The following PLXDC2 variants were observed in gnomAD, a reference collection of about 807,000 sequenced individuals.
The protein encoded by PLXDC2 is plexin domain-containing protein 2.
In PLXDC2, 40 loss-of-function variants were observed where a neutral mutation model predicts 68.9. The ratio of observed to expected loss-of-function variants is 0.58; its 90% CI spans 0.45 to 0.76. The LOEUF is 0.76. Among genes scored for constraint, PLXDC2 ranks in the 30% least tolerant of loss-of-function variants. PLXDC2 has a pLI of 0.00. For missense variants in PLXDC2, 644 were observed against 661.9 expected (o/e 0.97, Z 0.30); for synonymous variants, 243 against 234.2 (o/e 1.04, Z -0.34).
chr10:20,228,134 A>T (rs552109029), intron 12 of PLXDC2, among the ~76,000 whole-genome samples: 50 of 152,332 alleles, frequency 3.3e-4, no homozygotes, highest in African/African-American at 7.7e-4. Context: ...TGAAAATGTC[A>T]GTAGGCATTT....
At chr10:20,246,869 A>G (rs1156507172) in intron 13 of PLXDC2, among the ~76,000 whole-genome samples, 1 of 152,208 alleles carries the variant, frequency 6.6e-6, no homozygotes, top group African/African-American at 2.4e-5. Context: ...CTTTTAAACT[A>G]TGGAGTTAAA....
chr10:20,027,493 C>T (rs1015811593), intron 2 of PLXDC2, among the ~76,000 whole-genome samples: 11 of 152,082 alleles, frequency 7.2e-5, no homozygotes, highest in African/African-American at 2.7e-4. Context: ...TTTGTAGCCT[C>T]CAGAACTGTG....
rs1197794846 is a variant in PLXDC2, at chr10:20,283,963, C to G, written c.*4144C>G. On this transcript the variant is annotated 3_prime_UTR_variant, in exon 14 of 14. Coordinates refer to ENST00000377252, the MANE Select transcript of PLXDC2 (RefSeq NM_032812.9). ...AGTATCATTTATCAGTTTTTCGCAA[C>G]AGATTCTTATGTTACATCTTCATGA... 1 of 152,040 alleles carries G rather than the reference C, an allele frequency of 6.6e-6. No homozygotes were observed. The highest frequency in any genetic ancestry group is 1.5e-5 in the Non-Finnish European group (1 of 68,002). 9.4% of individuals were successfully genotyped at this position (152,040 alleles called of 1,614,324 possible).
chr10:19,895,912 T>C lies in PLXDC2; in HGVS notation c.112+78721T>C, dbSNP rs1029333042. Among the ~76,000 whole-genome samples, 14 of 152,158 alleles carry C rather than the reference T, an allele frequency of 9.2e-5. 1 individual carries two copies. Among genetic ancestry groups the C allele is most frequent in the Admixed American group, 7.9e-4 (12 of 15,276 alleles). ...TTCAGCCTGGGTGACAGAGCAAGAC[T>C]CTGTCTCTAAAAAAATTTTAAAAAG... On this transcript the variant is annotated intron_variant, in intron 1 of 13. Coordinates refer to ENST00000377252, the MANE Select transcript of PLXDC2 (RefSeq NM_032812.9).
At chr10:20,218,987 C>T (rs1306312424) in intron 11 of PLXDC2, 77 bp from the exon 12 acceptor site, 11 of 1,500,588 alleles carry the variant, frequency 7.3e-6, no homozygotes, top group Middle Eastern at 1.7e-4. Context: ...AGTTAGTAGA[C>T]AATTACTAGT....
At chr10:19,906,932 C>T (rs1044301798) in intron 1 of PLXDC2, among the ~76,000 whole-genome samples, 1 of 152,146 alleles carries the variant, frequency 6.6e-6, no homozygotes, top group Non-Finnish European at 1.5e-5. Flanking sequence ...ACAGACTGCA[C>T]AGTCATGTGT....
At chr10:20,183,660 CA>C (rs1341483876) in intron 9 of PLXDC2, among the ~76,000 whole-genome samples, 1 of 151,958 alleles carries the variant, frequency 6.6e-6, no homozygotes, top group Non-Finnish European at 1.5e-5. Context: ...GCATCTTCCA[CA>C]ATACCCAACA....
intron 4 of PLXDC2, among the ~76,000 whole-genome samples, chr10:20,128,673 A>G (rs111233492): frequency 0.029 from 4,421 of 152,004 alleles, 90 homozygotes; most frequent in South Asian, 0.073. Flanking sequence ...CTATCCCCCC[A>G]CTTCTAGCAG....
intron 1 of PLXDC2, among the ~76,000 whole-genome samples, chr10:19,836,653 G>A (rs1405732736): frequency 6.6e-6 from 1 of 152,112 alleles, no homozygotes; most frequent in African/African-American, 2.4e-5. Flanking sequence ...GCTACGAAAT[G>A]GTTCTAACAG....
chr10:20,258,757 C>T (rs936460569), intron 13 of PLXDC2, among the ~76,000 whole-genome samples: 1 of 152,050 alleles, frequency 6.6e-6, no homozygotes, highest in African/African-American at 2.4e-5. Context: ...CCTGTAATCC[C>T]AGCACTTTGG....
intron 1 of PLXDC2, among the ~76,000 whole-genome samples, chr10:19,887,495 C>T (rs1407598848): frequency 6.6e-6 from 1 of 152,092 alleles, no homozygotes. Context: ...GCTCTCCAGC[C>T]TGGGCGACAG....
intron 1 of PLXDC2, among the ~76,000 whole-genome samples, chr10:19,888,071 G>T (rs956293369): frequency 6.6e-6 from 1 of 152,220 alleles, no homozygotes; most frequent in Non-Finnish European, 1.5e-5. Context: ...TTGGTGTTCA[G>T]CTGTGAGAAA....
At position 20,255,961 on chromosome 10, in the gene PLXDC2, T is replaced by C. The variant is rs1228394899; in HGVS notation, c.1473+10456T>C. Among the ~76,000 whole-genome samples the C allele has an allele frequency of 6.6e-5, 10 of 152,238 alleles. No individual in the cohort carries two copies. The East Asian group carries it at 1.7e-3, about 26-fold the overall frequency. ...TTCATACATCCTGTCTTACATCACA[T>C]AGTAAGTGAATATAGGGTCAGAATT... On this transcript the variant is annotated intron_variant, in intron 13 of 13. Coordinates refer to ENST00000377252, the MANE Select transcript of PLXDC2 (RefSeq NM_032812.9).
intron 9 of PLXDC2, among the ~76,000 whole-genome samples, chr10:20,183,606 C>T (rs1834636538): frequency 6.6e-6 from 1 of 151,918 alleles, no homozygotes; most frequent in Non-Finnish European, 1.5e-5. Context: ...AATAAGGAAA[C>T]ATAAGCTCTT....
At chr10:19,819,378 T>C (rs1836421281) in intron 1 of PLXDC2, among the ~76,000 whole-genome samples, 1 of 152,196 alleles carries the variant, frequency 6.6e-6, no homozygotes, top group Non-Finnish European at 1.5e-5. Flanking sequence ...GAAAAAAATA[T>C]TGTAATTAAA....
chr10:20,191,388 A>G (rs189807225), intron 9 of PLXDC2, among the ~76,000 whole-genome samples: 1 of 151,906 alleles, frequency 6.6e-6, no homozygotes, highest in Admixed American at 6.6e-5. Context: ...TGCATGAACC[A>G]TGGCCTTGGC....
intron 4 of PLXDC2, among the ~76,000 whole-genome samples, chr10:20,088,634 T>C (rs1288943157): frequency 1.3e-5 from 2 of 152,170 alleles, no homozygotes; most frequent in Non-Finnish European, 2.9e-5. Context: ...CAACAGAGTC[T>C]GTTGGTTAAA....
intron 1 of PLXDC2, among the ~76,000 whole-genome samples, chr10:19,927,430 G>A (rs1295643073): frequency 1.3e-5 from 2 of 152,010 alleles, no homozygotes; most frequent in African/African-American, 2.4e-5. Flanking sequence ...GGCTGGGCGC[G>A]GTGGCTCATG....
chr10:20,126,938 T>G (rs1833800939), intron 4 of PLXDC2, among the ~76,000 whole-genome samples: 1 of 148,502 alleles, frequency 6.7e-6, no homozygotes, highest in South Asian at 2.1e-4. Context: ...ATATTATGTA[T>G]ATATTGTATA....
Sources: allele counts gnomAD v4.1 joint callset (sites outside exome capture counted in the v4.1 genomes callset), GRCh38; gene constraint gnomAD v4.1.1; transcripts MANE v1.5; gene names NCBI Gene and HGNC (gene_info 2026-07-23, HGNC 2026-07-21).